The following LYZL2 variants were observed in gnomAD, a reference collection of about 807,000 sequenced individuals.
LYZL2 encodes lysozyme like 2.
LYZL2 carries 13 observed loss-of-function variants against 17.1 expected under a neutral mutation model. The ratio of observed to expected loss-of-function variants is 0.76; its 90% confidence interval spans 0.49 to 1.21. The LOEUF is 1.21. Among genes scored for constraint, LYZL2 ranks in the 50% most tolerant of loss-of-function variants. The probability of loss-of-function intolerance (pLI) is 0.00; values close to 1 mark genes in which losing one functional copy is unlikely to be tolerated. For synonymous variants in LYZL2, 63 were observed against 74.4 expected (o/e 0.85, Z 0.79); for missense variants, 166 against 189.2 (o/e 0.88, Z 0.72).
At chr10:30,610,206 G>A (rs892034294), downstream of LYZL2, among the ~76,000 whole-genome samples, 1 of 152,160 alleles carries the variant, frequency 6.6e-6, no homozygotes, top group Non-Finnish European at 1.5e-5. Context: ...AGCCATCTGG[G>A]CTGGGTTTGA....
At chr10:30,608,224 T>C (rs1838396877), downstream of LYZL2, among the ~76,000 whole-genome samples, 1 of 152,268 alleles carries the variant, frequency 6.6e-6, no homozygotes, top group Non-Finnish European at 1.5e-5. Flanking sequence ...GTTACAGGCA[T>C]GAGCCACCAT....
chr10:30,619,572 C>T (rs1027872287), intron 3 of LYZL2, among the ~76,000 whole-genome samples: 19 of 150,726 alleles, frequency 1.3e-4, no homozygotes. Flanking sequence ...CAAACTATCA[C>T]AAGGACAAAA....
At chr10:30,619,297 T>G (rs974001232) in intron 3 of LYZL2, among the ~76,000 whole-genome samples, 1 of 152,166 alleles carries the variant, frequency 6.6e-6, no homozygotes, top group Non-Finnish European at 1.5e-5. Flanking sequence ...GAACTAGAAA[T>G]ACCATTTGAC....
chr10:30,617,357 C>T (rs966587974), intron 3 of LYZL2, among the ~76,000 whole-genome samples: 5 of 152,232 alleles, frequency 3.3e-5, no homozygotes, highest in East Asian at 1.9e-4. Flanking sequence ...TGAAAGTACT[C>T]ATTGGACACA....
chr10:30,619,469 C>T (rs535596937), intron 3 of LYZL2, among the ~76,000 whole-genome samples: 16 of 152,172 alleles, frequency 1.1e-4, no homozygotes, highest in Admixed American at 7.8e-4. Flanking sequence ...AAATGTGGCA[C>T]ATATACACCA....
At chr10:30,615,204 A>G (rs1298614165) in intron 3 of LYZL2, among the ~76,000 whole-genome samples, 1 of 152,260 alleles carries the variant, frequency 6.6e-6, no homozygotes, top group Non-Finnish European at 1.5e-5. Context: ...TTATTCAGTC[A>G]TGGAAAAGAA....
chr10:30,612,311 G>A lies in LYZL2; in HGVS notation c.378-287C>T, dbSNP rs567658189. Among the ~76,000 whole-genome samples the A allele has an allele frequency of 5.3e-5, 8 of 152,314 alleles. No individual in the cohort carries two copies. In the South Asian group the frequency reaches 8.3e-4, roughly 16 times the overall value. On this transcript the variant is annotated intron_variant, in intron 4 of 4. Transcript: ENST00000647634. The stretch of plus-strand genomic sequence containing the variant: ...AAATTCGGGTTCCCTGAGTGGGGCC[G>A]GCTGGCAATGTTCACCAGAACACAG...
At chr10:30,628,968 T>C (rs908003462) in intron 1 of LYZL2, among the ~76,000 whole-genome samples, 3 of 152,164 alleles carry the variant, frequency 2.0e-5, no homozygotes, top group African/African-American at 7.2e-5. Context: ...CAGAGTTGAG[T>C]AGCTGTGTTA....
At chr10:30,618,562 G>A (rs1260210182) in intron 3 of LYZL2, among the ~76,000 whole-genome samples, 1 of 152,156 alleles carries the variant, frequency 6.6e-6, no homozygotes, top group Non-Finnish European at 1.5e-5. Flanking sequence ...CCTGACAAAA[G>A]CAAGAAATGG....
At chr10:30,622,271 G>T (rs1328255886) in intron 3 of LYZL2, among the ~76,000 whole-genome samples, 1 of 152,186 alleles carries the variant, frequency 6.6e-6, no homozygotes, top group Non-Finnish European at 1.5e-5. Context: ...TATCAGCCGG[G>T]TGCAGTGGCT....
intron 3 of LYZL2, 132 bp from the exon 4 acceptor site, chr10:30,613,032 G>C: frequency 1.5e-6 from 1 of 654,880 alleles, no homozygotes; most frequent in South Asian, 1.9e-5. Context: ...TCCCTGCAAA[G>C]CCACAATCTC....
chr10:30,626,251 G>A lies in LYZL2; in HGVS notation c.152C>T (p.Ala51Val), dbSNP rs144040075. Residue 51 changes from alanine (A) to valine (V), a missense_variant, in exon 3 of 5, where the codon GCG becomes GTG. Ala to Val is a moderately conservative substitution (Grantham distance 64). This residue lies in a region of LYZL2 where 134 missense variants were observed against 129.4 expected (regional missense o/e 1.04). Coordinates refer to ENST00000647634, the MANE Select transcript of LYZL2 (RefSeq NM_183058.3). ...GGTGTTGTAGCCGCTCTCATAATAC[G>A]CCATGCAGATCCCTGGAGGGGGGAA... is the stretch of plus-strand genomic sequence containing the variant. ...GFSLGNWICM[A>V]YYESGYNTTA... 4.0e-5 allele frequency: 65 copies of A among 1,614,164 alleles called. No individual in the cohort carries two copies. The African/African-American group carries it at 4.4e-4, about 11-fold the overall frequency.
intron 3 of LYZL2, among the ~76,000 whole-genome samples, chr10:30,614,581 C>T (rs988495365): frequency 1.3e-5 from 2 of 152,224 alleles, no homozygotes; most frequent in South Asian, 2.1e-4. Context: ...ACCACAACCA[C>T]CAATCAAGGA....
At chr10:30,620,061 ATCT>A (rs1305641245) in intron 3 of LYZL2, among the ~76,000 whole-genome samples, 1 of 152,186 alleles carries the variant, frequency 6.6e-6, no homozygotes, top group Non-Finnish European at 1.5e-5. Flanking sequence ...GTGTAATATC[ATCT>A]TCTACAAGGA....
intron 1 of LYZL2, among the ~76,000 whole-genome samples, 200 bp downstream of exon 1, chr10:30,629,393 C>CAAAA (rs201593551): frequency 1.3e-4 from 15 of 119,678 alleles, no homozygotes; most frequent in African/African-American, 3.6e-4. Context: ...CATCCTGTTT[C>CAAAA]AAAAAAAAAA....
At chr10:30,611,556 AAGGAAG>A (rs1564405773), downstream of LYZL2, among the ~76,000 whole-genome samples, 95 of 100,158 alleles carry the variant, frequency 9.5e-4, no homozygotes, top group South Asian at 1.8e-3. Flanking sequence ...GGAAGGAAGG[AAGGAAG>A]GAAGGAAGGA....
rs114179774 is a variant in LYZL2, at chr10:30,617,016, G to A, written c.299-4116C>T. 4.5e-3 allele frequency among the ~76,000 whole-genome samples: 692 copies of A among 152,268 alleles called. 7 individuals are homozygous for A. Among genetic ancestry groups the A allele is most frequent in the African/African-American group, 0.016 (667 of 41,544 alleles). On this transcript the variant is annotated intron_variant, in intron 3 of 4. Coordinates refer to ENST00000647634, the MANE Select transcript of LYZL2 (RefSeq NM_183058.3). Reference sequence around the variant, plus strand: ...GAGACCCTTTATTTCGGGTGCATAAGTGCTTAATAAATGCTGAGACACTCG... The same window carrying A: ...GAGACCCTTTATTTCGGGTGCATAAATGCTTAATAAATGCTGAGACACTCG...
intron 3 of LYZL2, among the ~76,000 whole-genome samples, chr10:30,623,883 C>A (rs1208685369): frequency 1.3e-5 from 2 of 152,130 alleles, no homozygotes; most frequent in African/African-American, 4.8e-5. Flanking sequence ...TCCCTGGTGC[C>A]AAAAAGGTTG....
intron 1 of LYZL2, among the ~76,000 whole-genome samples, chr10:30,628,231 T>C (rs1838751465): frequency 6.6e-6 from 1 of 152,194 alleles, no homozygotes; most frequent in African/African-American, 2.4e-5. Context: ...TTCCTTTTCT[T>C]TTCTTGATGC....
Sources: gnomAD v4.1 joint callset for allele counts (sites outside exome capture counted in the v4.1 genomes callset) on GRCh38, gnomAD v4.1.1 for gene constraint, gnomAD v4.1.1 regional missense constraint, MANE v1.5 for transcripts, NCBI Gene and HGNC (gene_info 2026-07-23, HGNC 2026-07-21) for gene names.